Variants in COL24A1 observed in about 807,000 individuals in gnomAD.
COL24A1 encodes the protein collagen alpha-1(XXIV) chain.
In COL24A1, 224 loss-of-function variants were observed where a neutral mutation model predicts 253.9. That is an observed-to-expected ratio of 0.88 (90% confidence interval 0.79 to 0.99). The LOEUF (loss-of-function observed/expected upper bound fraction) is 0.99, where lower values mean the gene tolerates loss of function less well. Ranked by LOEUF, COL24A1 falls within the 50% of genes least tolerant of loss-of-function variation. COL24A1 has a pLI of 0.00. For synonymous variants in COL24A1, 685 were observed against 673.7 expected (o/e 1.02, Z -0.26); for missense variants, 2,131 against 2,068.5 (o/e 1.03, Z -0.59).
intron 19 of COL24A1, among the ~76,000 whole-genome samples, chr1:86,009,185 TA>T (rs1449732047): frequency 6.6e-6 from 1 of 152,160 alleles, no homozygotes; most frequent in Non-Finnish European, 1.5e-5. Flanking sequence ...TCAGAGGACT[TA>T]AAACCTTTCC....
chr1:86,117,668 T>C (rs1006417864), intron 3 of COL24A1, among the ~76,000 whole-genome samples: 1 of 152,220 alleles, frequency 6.6e-6, no homozygotes, highest in African/African-American at 2.4e-5. Flanking sequence ...TACAACATAG[T>C]ATTAATAGGC....
intron 57 of COL24A1, among the ~76,000 whole-genome samples, chr1:85,742,375 G>A (rs1452695782): frequency 6.6e-6 from 1 of 151,772 alleles, no homozygotes; most frequent in Non-Finnish European, 1.5e-5. Context: ...CTCATGATCT[G>A]CCCACCTCTG....
At chr1:85,999,591 G>T (rs1571543262) in intron 19 of COL24A1, among the ~76,000 whole-genome samples, 1 of 151,916 alleles carries the variant, frequency 6.6e-6, no homozygotes, top group African/African-American at 2.4e-5. Context: ...ACTCTAGCCT[G>T]GGTGGGCAAC....
intron 53 of COL24A1, among the ~76,000 whole-genome samples, chr1:85,763,137 C>G (rs1200985857): frequency 3.9e-5 from 6 of 152,064 alleles, no homozygotes; most frequent in African/African-American, 1.4e-4. Flanking sequence ...TGTTTATAGG[C>G]CAGGCATGGT....
intron 35 of COL24A1, among the ~76,000 whole-genome samples, chr1:85,872,758 C>A (rs1296175335): frequency 6.6e-6 from 1 of 152,130 alleles, no homozygotes; most frequent in East Asian, 1.9e-4. Context: ...TAGGCATTAC[C>A]ATTCAGGACA....
At chr1:85,922,174 G>T in intron 24 of COL24A1, among the ~76,000 whole-genome samples, 1 of 152,194 alleles carries the variant, frequency 6.6e-6, no homozygotes, top group Non-Finnish European at 1.5e-5. Flanking sequence ...TATGCGAAAA[G>T]ACCAAATCTA....
chr1:85,874,624 A>G (rs918823813), intron 35 of COL24A1, 25 bp downstream of exon 35: 2 of 1,609,188 alleles, frequency 1.2e-6, no homozygotes, highest in Non-Finnish European at 1.7e-6. Flanking sequence ...TTAGTGTATT[A>G]AAAGAGTTTC....
chr1:85,869,524 G>T (rs896256578), intron 35 of COL24A1, among the ~76,000 whole-genome samples: 13 of 152,330 alleles, frequency 8.5e-5, no homozygotes, highest in Admixed American at 7.8e-4. Flanking sequence ...GAAGCCAGAA[G>T]AGAGTGGGGG....
chr1:85,844,790 A>C (rs1283610295), intron 39 of COL24A1, among the ~76,000 whole-genome samples: 4 of 151,996 alleles, frequency 2.6e-5, no homozygotes, highest in African/African-American at 9.7e-5. Context: ...AAGATACAAA[A>C]TTTGAAAAGA....
At chr1:85,865,411 A>T (rs557579555) in intron 37 of COL24A1, among the ~76,000 whole-genome samples, 2 of 152,300 alleles carry the variant, frequency 1.3e-5, no homozygotes, top group East Asian at 3.9e-4. Flanking sequence ...CAAAAAGAAT[A>T]AAAAAACACA....
intron 12 of COL24A1, among the ~76,000 whole-genome samples, chr1:86,037,813 C>T (rs1699149845): frequency 6.6e-6 from 1 of 151,874 alleles, no homozygotes; most frequent in African/African-American, 2.4e-5. Flanking sequence ...ATTAAATCTT[C>T]TTTAGAGAAT....
At chr1:86,031,809 C>G in intron 14 of COL24A1, 69 bp downstream of exon 14, 1 of 1,227,816 alleles carries the variant, frequency 8.1e-7, no homozygotes, top group East Asian at 2.6e-5. Flanking sequence ...GTTTCAAAAA[C>G]ACATCTAACA....
chr1:85,994,986 G>A (rs924285363), intron 19 of COL24A1, among the ~76,000 whole-genome samples: 2 of 152,028 alleles, frequency 1.3e-5, no homozygotes, highest in Non-Finnish European at 2.9e-5. Context: ...TTTCCCTTCT[G>A]TAATTCTATG....
intron 28 of COL24A1, among the ~76,000 whole-genome samples, chr1:85,906,180 CAGGATATGA>C (rs1211271874): frequency 6.8e-6 from 1 of 146,704 alleles, no homozygotes; most frequent in Non-Finnish European, 1.5e-5. Context: ...ACCGAAAACA[CAGGATATGA>C]CTTTGAAGTC....
intron 31 of COL24A1, among the ~76,000 whole-genome samples, chr1:85,893,341 T>C (rs1683322401): frequency 6.6e-6 from 1 of 152,046 alleles, no homozygotes; most frequent in African/African-American, 2.4e-5. Context: ...TAATTATAAA[T>C]GTGAATAAAC....
intron 47 of COL24A1, among the ~76,000 whole-genome samples, chr1:85,806,480 T>C (rs546983488): frequency 1.3e-5 from 2 of 152,376 alleles, no homozygotes; most frequent in Non-Finnish European, 2.9e-5. Flanking sequence ...TATTCAGTTC[T>C]GCTGTTGTAG....
intron 47 of COL24A1, among the ~76,000 whole-genome samples, chr1:85,811,822 A>G (rs1672575266): frequency 6.6e-6 from 1 of 152,228 alleles, no homozygotes; most frequent in South Asian, 2.1e-4. Flanking sequence ...TGAAGTAAGA[A>G]AAGGCTCTGC....
Position 86,125,083 on chromosome 1 carries a change from G to A in COL24A1, c.1253C>T (p.Thr418Ile). Reference sequence around the variant, plus strand: ...TGGTTGCATTTCCATGAGTTCGTTAGTGTGTAGATTTGCTGTGATAGCCTT... The same window carrying A: ...TGGTTGCATTTCCATGAGTTCGTTAATGTGTAGATTTGCTGTGATAGCCTT... ...LKKAITANLHTNELMEMQPIL... is the reference protein window; with the variant it reads ...LKKAITANLHINELMEMQPIL... Residue 418 changes from threonine to isoleucine, a missense_variant, in exon 3 of 60, where the codon ACT becomes ATT. Transcript: ENST00000370571. 1 of 1,613,178 alleles carries A rather than the reference G, an allele frequency of 6.2e-7. No homozygotes were observed. Among genetic ancestry groups the A allele is most frequent in the South Asian group, 1.1e-5 (1 of 91,026 alleles).
chr1:85,773,505 T>G (rs1668201022), intron 53 of COL24A1, among the ~76,000 whole-genome samples: 1 of 152,242 alleles, frequency 6.6e-6, no homozygotes, highest in Non-Finnish European at 1.5e-5. Context: ...TTCATGAGCA[T>G]GGAATGTTTT....
Sources: gnomAD v4.1 joint callset for allele counts (sites outside exome capture counted in the v4.1 genomes callset) on GRCh38, gnomAD v4.1.1 for gene constraint, MANE v1.5 for transcripts, NCBI Gene and HGNC (gene_info 2026-07-23, HGNC 2026-07-21) for gene names.